The following SERGEF variants were observed in gnomAD, a reference collection of about 807,000 sequenced individuals.
SERGEF encodes secretion regulating guanine nucleotide exchange factor, also known as secretion-regulating guanine nucleotide exchange factor.
In SERGEF, 51 loss-of-function variants were observed where a neutral mutation model predicts 50.0. That is an observed-to-expected ratio of 1.02 (90% CI 0.81 to 1.29). The LOEUF (loss-of-function observed/expected upper bound fraction) is 1.29, where lower values mean the gene tolerates loss of function less well. Ranked by LOEUF, SERGEF falls within the 50% of genes most tolerant of loss-of-function variation. The pLI, the probability that SERGEF is intolerant of heterozygous loss-of-function variation, is 0.00. For missense variants in SERGEF, 521 were observed against 557.0 expected (o/e 0.94, Z 0.65); for synonymous variants, 205 against 212.4 (o/e 0.97, Z 0.30).
chr11:17,943,568 T>C (rs996529623), intron 9 of SERGEF, among the ~76,000 whole-genome samples: 1 of 152,192 alleles, frequency 6.6e-6, no homozygotes, highest in African/African-American at 2.4e-5. Context: ...ACTTCTGTTC[T>C]TTCCTTTATT....
intron 1 of SERGEF, among the ~76,000 whole-genome samples, chr11:18,011,166 A>C (rs61882463): frequency 1.0e-4 from 15 of 150,568 alleles, no homozygotes; most frequent in Admixed American, 2.7e-4. Context: ...ACACACACAC[A>C]CCCCTAACAA....
intron 8 of SERGEF, among the ~76,000 whole-genome samples, chr11:17,967,925 G>A (rs1194604835): frequency 1.3e-5 from 2 of 152,194 alleles, no homozygotes; most frequent in Non-Finnish European, 2.9e-5. Flanking sequence ...TCCCCCTTCA[G>A]GGCCTAGCTT....
At chr11:17,817,243 C>T (rs1849993358) in intron 10 of SERGEF, among the ~76,000 whole-genome samples, 2 of 147,754 alleles carry the variant, frequency 1.4e-5, no homozygotes, top group Non-Finnish European at 3.0e-5. Context: ...GATGGAGTCT[C>T]GCTCTGTCGC....
intron 4 of SERGEF, among the ~76,000 whole-genome samples, chr11:18,004,111 A>C (rs1854023032): frequency 6.6e-6 from 1 of 152,208 alleles, no homozygotes. Context: ...TCGACAAATC[A>C]CTTCTATCTG....
rs575774547 is a variant in SERGEF at position 17,845,428 on chromosome 11, CAG to C, written c.1048+32778_1048+32779del. 5.0e-4 allele frequency among the ~76,000 whole-genome samples: 76 copies of C among 152,268 alleles called. 1 individual carries two copies. Among genetic ancestry groups the C allele is most frequent in the African/African-American group, 1.5e-3 (62 of 41,548 alleles). ...AGCCAAGTGCAGAAAGGGTTCCAAA[CAG>C]GGGCACAGCAGCAGTGCTGAGTGAA... On this transcript the variant is annotated intron_variant, in intron 10 of 10. Transcript: ENST00000265965.
chr11:17,906,346 A>C (rs956788201), intron 9 of SERGEF, among the ~76,000 whole-genome samples: 2 of 152,266 alleles, frequency 1.3e-5, no homozygotes, highest in Non-Finnish European at 2.9e-5. Context: ...ACCAGTGGCT[A>C]ACGAAGTTTC....
intron 10 of SERGEF, among the ~76,000 whole-genome samples, chr11:17,876,446 C>T (rs1328202401): frequency 6.6e-6 from 1 of 152,222 alleles, no homozygotes; most frequent in Non-Finnish European, 1.5e-5. Context: ...CCTCCCGCTA[C>T]CCAACCAAGA....
In SERGEF at chr11:17,810,247, C is replaced by T. The variant is rs142822909; in HGVS notation, c.1049-21834G>A. Among the ~76,000 whole-genome samples, 639 of 152,334 alleles carry T rather than the reference C, an allele frequency of 4.2e-3. 6 individuals are homozygous for T. Among genetic ancestry groups the T allele is most frequent in the African/African-American group, 0.015 (620 of 41,568 alleles). ...GCCTGCTCTGATATTTCTCTCACTT[C>T]TTGTATCCCACACAAACCCTGTGCT... On this transcript the variant is annotated intron_variant, in intron 10 of 10. Transcript: ENST00000265965.
intron 8 of SERGEF, among the ~76,000 whole-genome samples, chr11:17,961,451 G>C (rs967918417): frequency 1.3e-5 from 2 of 152,046 alleles, no homozygotes; most frequent in African/African-American, 4.8e-5. Flanking sequence ...TTCCTCTGCT[G>C]GGAAAAACTA....
At chr11:17,933,930 T>C (rs1245303519) in intron 9 of SERGEF, among the ~76,000 whole-genome samples, 1 of 152,142 alleles carries the variant, frequency 6.6e-6, no homozygotes, top group African/African-American at 2.4e-5. Flanking sequence ...ATAATGGCCA[T>C]GAACAAGTGG....
chr11:17,792,962 GGTCATA>G (rs1397415235), intron 10 of SERGEF, among the ~76,000 whole-genome samples: 3 of 152,174 alleles, frequency 2.0e-5, no homozygotes, highest in Non-Finnish European at 4.4e-5. Flanking sequence ...AGTCAAATTT[GGTCATA>G]GTTTGCCATC....
intron 9 of SERGEF, among the ~76,000 whole-genome samples, chr11:17,906,999 C>T (rs1436412073): frequency 6.6e-6 from 1 of 152,088 alleles, no homozygotes; most frequent in Non-Finnish European, 1.5e-5. Context: ...GGGAAGAGCA[C>T]TAGGCTATAA....
At chr11:18,009,562 T>A (rs3958112) in intron 1 of SERGEF, among the ~76,000 whole-genome samples, 1 of 152,020 alleles carries the variant, frequency 6.6e-6, no homozygotes, top group African/African-American at 2.4e-5. Context: ...TAAGGATTTC[T>A]TGCCTTAAAG....
At chr11:17,930,933 TGAC>T (rs1393081770) in intron 9 of SERGEF, among the ~76,000 whole-genome samples, 1 of 152,150 alleles carries the variant, frequency 6.6e-6, no homozygotes, top group Non-Finnish European at 1.5e-5. Context: ...ACCACTGAGC[TGAC>T]GTCTGCTACA....
At chr11:17,954,935 C>T (rs532685156) in intron 9 of SERGEF, among the ~76,000 whole-genome samples, 2 of 152,262 alleles carry the variant, frequency 1.3e-5, no homozygotes, top group Admixed American at 1.3e-4. Context: ...CCTATTCTGG[C>T]CTATTTCACA....
intron 10 of SERGEF, among the ~76,000 whole-genome samples, chr11:17,830,649 G>GGAGGGAGAGAGA (rs60101312): frequency 1.9e-4 from 15 of 77,754 alleles, no homozygotes; most frequent in African/African-American, 7.5e-4. Flanking sequence ...GGAGAGGGAG[G>GGAGGGAGAGAGA]GAGAGAGAGA....
chr11:17,961,603 T>C (rs1852998289), intron 8 of SERGEF, among the ~76,000 whole-genome samples: 1 of 152,220 alleles, frequency 6.6e-6, no homozygotes, highest in Non-Finnish European at 1.5e-5. Context: ...TGGCAGAATA[T>C]GGTGCCACCA....
chr11:17,958,618 C>T (rs1270256185), intron 9 of SERGEF, among the ~76,000 whole-genome samples: 2 of 152,108 alleles, frequency 1.3e-5, no homozygotes, highest in Admixed American at 6.5e-5. Context: ...TAAAGGCCCC[C>T]TTGATCAGGT....
intron 7 of SERGEF, among the ~76,000 whole-genome samples, chr11:17,989,028 C>T (rs1482678469): frequency 2.6e-5 from 4 of 152,122 alleles, no homozygotes; most frequent in Non-Finnish European, 5.9e-5. Flanking sequence ...TTTCATTCAA[C>T]AAATATTTAT....
Sources: allele counts gnomAD v4.1 joint callset (sites outside exome capture counted in the v4.1 genomes callset), GRCh38; gene constraint gnomAD v4.1.1; transcripts MANE v1.5; gene names NCBI Gene and HGNC (gene_info 2026-07-23, HGNC 2026-07-21).